The following USPL1 variants were observed in gnomAD, a reference collection of about 807,000 sequenced individuals.
The protein encoded by USPL1 is SUMO-specific isopeptidase USPL1.
A neutral mutation model predicts 51.5 loss-of-function variants in USPL1; 27 were observed. That is an observed-to-expected ratio of 0.52 (90% CI 0.39 to 0.72). The LOEUF is 0.72. Among genes scored for constraint, USPL1 ranks in the 30% least tolerant of loss-of-function variants. The probability of loss-of-function intolerance (pLI) is 0.00; values close to 1 mark genes in which losing one functional copy is unlikely to be tolerated. For synonymous variants in USPL1, 451 were observed against 459.6 expected (o/e 0.98, Z 0.24); for missense variants, 1,226 against 1,268.0 (o/e 0.97, Z 0.50).
intron 3 of USPL1, among the ~76,000 whole-genome samples, chr13:30,629,535 G>C (rs1436317761): frequency 6.6e-6 from 1 of 152,166 alleles, no homozygotes; most frequent in African/African-American, 2.4e-5. Context: ...GATTATGTGA[G>C]TTGACTAGGG....
chr13:30,626,102 G>A (rs1321828336), intron 3 of USPL1, among the ~76,000 whole-genome samples: 1 of 152,172 alleles, frequency 6.6e-6, no homozygotes. Flanking sequence ...ATTCTCTTGA[G>A]GTCAGGAGTT....
intron 4 of USPL1, among the ~76,000 whole-genome samples, chr13:30,631,840 A>G (rs937531455): frequency 3.3e-5 from 5 of 152,182 alleles, no homozygotes; most frequent in African/African-American, 1.2e-4. Flanking sequence ...GTCTCCCAGC[A>G]TGTGGGAAAG....
intron 3 of USPL1, among the ~76,000 whole-genome samples, chr13:30,622,530 A>G (rs1950658927): frequency 6.6e-6 from 1 of 152,204 alleles, no homozygotes. Flanking sequence ...TTTCATGAAT[A>G]AGAAAATAAA....
At chr13:30,630,136 C>A (rs550277638) in intron 3 of USPL1, among the ~76,000 whole-genome samples, 3 of 151,960 alleles carry the variant, frequency 2.0e-5, no homozygotes, top group Non-Finnish European at 4.4e-5. Flanking sequence ...ACTGCCATGC[C>A]CACCTGAAAA....
intron 1 of USPL1, among the ~76,000 whole-genome samples, chr13:30,618,752 G>C (rs757832752): frequency 2.0e-5 from 3 of 152,136 alleles, no homozygotes; most frequent in Non-Finnish European, 2.9e-5. Context: ...AAAGATGCTG[G>C]GGGTGAAGTA....
chr13:30,635,091 C>A (rs919631852), intron 4 of USPL1, among the ~76,000 whole-genome samples: 2 of 152,216 alleles, frequency 1.3e-5, no homozygotes, highest in African/African-American at 4.8e-5. Context: ...GCTAGAGTTA[C>A]ATCAGATGTG....
At position 30,631,021 on chromosome 13, in the gene USPL1, A is replaced by G; in HGVS notation, c.415A>G (p.Ser139Gly). The G allele has an allele frequency of 6.2e-7, 1 of 1,614,154 alleles. No individual in the cohort carries two copies. Among genetic ancestry groups the G allele is most frequent in the Non-Finnish European group, 8.5e-7 (1 of 1,180,036 alleles). ...IAIDGGKVLN[S>G]KHNGEVYDET... ...TATTGACGGTGGAAAAGTTTTGAAC[A>G]GCAAACATAATGGAGAAGTATATGA... Residue 139 changes from serine (S) to glycine (G), a missense_variant, in exon 4 of 9, where the codon AGC (serine) becomes GGC (glycine). By Grantham distance (56) the Ser-to-Gly change is moderately conservative. Coordinates refer to ENST00000255304, the MANE Select transcript of USPL1 (RefSeq NM_005800.5).
At chr13:30,639,778 C>G (rs1418149729) in intron 5 of USPL1, among the ~76,000 whole-genome samples, 1 of 152,100 alleles carries the variant, frequency 6.6e-6, no homozygotes, top group African/African-American at 2.4e-5. Flanking sequence ...GATGGAAGGG[C>G]TTTCGTGGTG....
rs1951247677 is a variant in USPL1, at chr13:30,660,623, G to C, written c.*1267G>C. Reference sequence around the variant, plus strand: ...GAGCCTACGCCTGTTTGTTACACCGGTAGAGTGCTGTGGAATGTAAACTTT... The same window carrying C: ...GAGCCTACGCCTGTTTGTTACACCGCTAGAGTGCTGTGGAATGTAAACTTT... On this transcript the variant is annotated 3_prime_UTR_variant, in exon 9 of 9. Coordinates refer to ENST00000255304, the MANE Select transcript of USPL1 (RefSeq NM_005800.5). The C allele has an allele frequency of 6.6e-6, 1 of 152,246 alleles. No individual in the cohort carries two copies. The highest frequency in any genetic ancestry group is 6.5e-5 in the Admixed American group (1 of 15,288). 9.4% of individuals were successfully genotyped at this position (152,246 alleles called of 1,614,324 possible). A position where few individuals can be genotyped will look rare whatever the true frequency, so the allele number is the denominator to read the frequency against.
At chr13:30,648,935 G>A (rs1027103869) in intron 7 of USPL1, among the ~76,000 whole-genome samples, 2 of 152,138 alleles carry the variant, frequency 1.3e-5, no homozygotes, top group Non-Finnish European at 2.9e-5. Context: ...AGGCTGCTTG[G>A]TGTATATGAT....
At position 30,655,122 on chromosome 13, in the gene USPL1, A is replaced by C. The variant is rs2255331; in HGVS notation, c.1396+1817A>C. 8.6e-3 allele frequency among the ~76,000 whole-genome samples: 1,310 copies of C among 152,196 alleles called. 18 individuals carry two copies. Among genetic ancestry groups the C allele is most frequent in the African/African-American group, 0.03 (1,228 of 41,526 alleles). On this transcript the variant is annotated intron_variant, in intron 8 of 8. Transcript: ENST00000255304. Reference sequence around the variant, plus strand: ...CCGGCTAATTTTGTATTTTTAGTAGAGACAGGGTTTCTCCATGTTGGTCAG... The same window carrying C: ...CCGGCTAATTTTGTATTTTTAGTAGCGACAGGGTTTCTCCATGTTGGTCAG...
At chr13:30,654,126 T>C (rs1951128236) in intron 8 of USPL1, among the ~76,000 whole-genome samples, 1 of 152,220 alleles carries the variant, frequency 6.6e-6, no homozygotes, top group Admixed American at 6.5e-5. Flanking sequence ...CAACTTATTT[T>C]AACTTTTTTT....
intron 4 of USPL1, among the ~76,000 whole-genome samples, chr13:30,634,192 C>T (rs914557219): frequency 1.3e-5 from 2 of 152,124 alleles, no homozygotes; most frequent in Admixed American, 6.5e-5. Context: ...CACTGCAATA[C>T]CATGGCAATA....
intron 4 of USPL1, among the ~76,000 whole-genome samples, chr13:30,633,875 C>T (rs914630286): frequency 1.3e-5 from 2 of 151,850 alleles, no homozygotes; most frequent in African/African-American, 2.4e-5. Context: ...TGTCTTCCAC[C>T]CACAAATTGA....
intron 3 of USPL1, among the ~76,000 whole-genome samples, chr13:30,623,599 T>C (rs1189482063): frequency 1.3e-5 from 2 of 150,646 alleles, no homozygotes; most frequent in Admixed American, 6.6e-5. Context: ...TGTCCTGTTA[T>C]TCAGAATGAG....
chr13:30,637,934 A>G, intron 5 of USPL1, 77 bp downstream of exon 5: 12 of 1,113,420 alleles, frequency 1.1e-5, no homozygotes, highest in Non-Finnish European at 1.6e-5. Flanking sequence ...GAAATATAAT[A>G]CTGTTTGATT....
chr13:30,647,064 T>A lies in USPL1; in HGVS notation c.1238+7T>A. ...GAAAAATGGTATTAGAAAAGTGAGTTAAAATTGTCTTATAATTTTTAGTAC... is the reference window on the plus strand; with the variant it reads ...GAAAAATGGTATTAGAAAAGTGAGTAAAAATTGTCTTATAATTTTTAGTAC... On this transcript the variant is annotated splice_region_variant and intron_variant, in intron 7 of 8. Transcript: ENST00000255304. The A allele has an allele frequency of 1.2e-6, 2 of 1,604,310 alleles. No homozygotes were observed. Among genetic ancestry groups the A allele is most frequent in the Non-Finnish European group, 1.7e-6 (2 of 1,171,912 alleles).
chr13:30,625,444 G>GTTTTTTTTTTTTTTTTTT (rs926283215), intron 3 of USPL1, among the ~76,000 whole-genome samples: 9 of 118,934 alleles, frequency 7.6e-5, no homozygotes, highest in East Asian at 2.3e-4. Flanking sequence ...TTTGTTTTTT[G>GTTTTTTTTTTTTTTTTTT]TTTTTTTTTT....
rs1252349686 is a variant in USPL1 at position 30,630,844 on chromosome 13, C to A, written c.238C>A (p.Pro80Thr). ...TATTTTTACTTTCCAGTGCATCTAT[C>A]CTTTGGGCTCTAAATCACTTAATAA... ...FLCEDLQCIY[P>T]LGSKSLNNLI... The change falls in exon 4 of 9, where the codon CCT becomes ACT. Residue 80 changes from proline to threonine, a missense_variant. Transcript: ENST00000255304. 6.2e-7 allele frequency: 1 copy of A among 1,602,492 alleles called. No individual in the cohort carries two copies. The highest frequency in any genetic ancestry group is 1.7e-5 in the Admixed American group (1 of 58,130).
Sources: gnomAD v4.1 joint callset for allele counts (sites outside exome capture counted in the v4.1 genomes callset) on GRCh38, gnomAD v4.1.1 for gene constraint, MANE v1.5 for transcripts, NCBI Gene and HGNC (gene_info 2026-07-23, HGNC 2026-07-21) for gene names.